MAML3: variants seen among roughly 807,000 people sequenced by gnomAD.
MAML3 encodes mastermind like transcriptional coactivator 3.
A neutral mutation model predicts 101.9 loss-of-function variants in MAML3; 27 were observed. The observed-to-expected ratio is 0.27, with a 90% CI of 0.20 to 0.37. MAML3 has a LOEUF of 0.37. MAML3 is among the 10% of genes least tolerant of loss of function. The pLI is 1.00. For missense variants in MAML3, 1,316 were observed against 1,444.9 expected (o/e 0.91, Z 1.45); for synonymous variants, 501 against 555.9 (o/e 0.90, Z 1.39).
In MAML3 at chr4:139,925,375, G is replaced by A. The variant is rs569601733; in HGVS notation, c.469-34408C>T. Among the ~76,000 whole-genome samples, 25 of 152,110 alleles carry A rather than the reference G, an allele frequency of 1.6e-4. No homozygotes were observed. The South Asian group carries it at 2.7e-3, about 16-fold the overall frequency. On this transcript the variant is annotated intron_variant, in intron 1 of 4. Coordinates refer to ENST00000509479, the MANE Select transcript of MAML3 (RefSeq NM_018717.5). Reference sequence around the variant, plus strand: ...CTCCTGAGTAGCTGAGATTACAGGCGCCCGCTACCACACCCAGCTAATTTT... The same window carrying A: ...CTCCTGAGTAGCTGAGATTACAGGCACCCGCTACCACACCCAGCTAATTTT...
At position 139,890,009 on chromosome 4, in the gene MAML3, T is replaced by C. The variant is rs1271619332; in HGVS notation, c.1427A>G (p.Gln476Arg). ...EQLKQMAAQQ[Q>R]QRAKLMQQKQ... ...CTGCTGCATGAGTTTGGCCCTTTGT[T>C]GCTGCTGTGCAGCCATCTGTTTGAG... The change falls in exon 2 of 5, where the codon CAA (glutamine) becomes CGA (arginine). Residue 476 changes from glutamine to arginine, a missense_variant. Physicochemically the swap from Gln to Arg is conservative, Grantham distance 43. Coordinates refer to ENST00000509479, the MANE Select transcript of MAML3 (RefSeq NM_018717.5). The surrounding 1 kb of genome is among the most constrained non-coding windows in gnomAD (Gnocchi z 4.1). 3 of 1,610,748 alleles carry C rather than the reference T, an allele frequency of 1.9e-6. No homozygotes were observed. In the African/African-American group the frequency reaches 4.0e-5, roughly 22 times the overall value.
At chr4:139,763,415 C>T (rs1437952120) in intron 2 of MAML3, among the ~76,000 whole-genome samples, 3 of 152,086 alleles carry the variant, frequency 2.0e-5, no homozygotes, top group South Asian at 2.1e-4. Context: ...GTTTAAGCAA[C>T]GAGAAGTACG....
At chr4:139,913,706 C>T (rs1371820622) in intron 1 of MAML3, among the ~76,000 whole-genome samples, 1 of 152,160 alleles carries the variant, frequency 6.6e-6, no homozygotes, top group Non-Finnish European at 1.5e-5. Context: ...GGTTTAGGTC[C>T]CGCATAACAT....
chr4:139,915,943 C>T (rs549891657), intron 1 of MAML3, among the ~76,000 whole-genome samples: 2 of 152,286 alleles, frequency 1.3e-5, no homozygotes, highest in Non-Finnish European at 2.9e-5. Flanking sequence ...CACTCCTCAA[C>T]GTTATCAGCA....
Position 139,719,858 on chromosome 4 carries a change from T to G in MAML3, c.2882A>C (p.Gln961Pro). 1 of 1,613,874 alleles carries G rather than the reference T, an allele frequency of 6.2e-7. No individual in the cohort carries two copies. Residue 961 changes from glutamine to proline, a missense_variant, in exon 5 of 5, where the codon CAA becomes CCA. Gln to Pro is a moderately conservative substitution (Grantham distance 76). Transcript: ENST00000509479. The part of the protein sequence containing the change: ...SLMGTVQQGA[Q>P]SWQQRSLQGM... The stretch of plus-strand genomic sequence containing the variant: ...CTGCAAGCTCCTCTGTTGCCAGCTT[T>G]GTGCTCCTTGCTGGACTGTTCCCAT...
chr4:139,880,669 T>C (rs1732200490), intron 2 of MAML3, among the ~76,000 whole-genome samples: 1 of 152,174 alleles, frequency 6.6e-6, no homozygotes, highest in Non-Finnish European at 1.5e-5. Flanking sequence ...AAATTTTGTG[T>C]TAAGAGAGCA....
chr4:139,810,645 G>A (rs980290952), intron 2 of MAML3, among the ~76,000 whole-genome samples: 3 of 152,090 alleles, frequency 2.0e-5, no homozygotes, highest in African/African-American at 7.2e-5. Context: ...TTATGTGTCA[G>A]GTATATATCT....
At chr4:139,775,840 C>G (rs903660039) in intron 2 of MAML3, among the ~76,000 whole-genome samples, 1 of 152,148 alleles carries the variant, frequency 6.6e-6, no homozygotes, top group Non-Finnish European at 1.5e-5. Context: ...CCTCAAAAGC[C>G]TTTTACCTTC....
chr4:140,108,167 G>A (rs1728382832), intron 1 of MAML3, among the ~76,000 whole-genome samples: 1 of 151,900 alleles, frequency 6.6e-6, no homozygotes, highest in African/African-American at 2.4e-5. Flanking sequence ...ACATACACAT[G>A]TGGGCCACGG....
chr4:139,819,027 G>A (rs1730933227), intron 2 of MAML3, among the ~76,000 whole-genome samples: 1 of 152,164 alleles, frequency 6.6e-6, no homozygotes, highest in Non-Finnish European at 1.5e-5. Flanking sequence ...GCACGCAAAT[G>A]AATAATGATC....
At chr4:139,774,931 T>C (rs985996594) in intron 2 of MAML3, among the ~76,000 whole-genome samples, 4 of 152,198 alleles carry the variant, frequency 2.6e-5, no homozygotes, top group African/African-American at 2.4e-5. Flanking sequence ...ATCTCTCTTT[T>C]GGTGCAATTT....
chr4:139,762,822 G>C (rs953571828), intron 2 of MAML3, among the ~76,000 whole-genome samples: 1 of 152,190 alleles, frequency 6.6e-6, no homozygotes, highest in Non-Finnish European at 1.5e-5. Flanking sequence ...ATCTGACGGG[G>C]CTTTAATCTG....
At chr4:140,125,584 C>A (rs570852536) in intron 1 of MAML3, among the ~76,000 whole-genome samples, 1 of 152,330 alleles carries the variant, frequency 6.6e-6, no homozygotes, top group East Asian at 1.9e-4. Flanking sequence ...GACCACATCA[C>A]TCCTATGTAG....
chr4:140,152,136 C>T (rs893224333), intron 1 of MAML3, among the ~76,000 whole-genome samples: 42 of 152,234 alleles, frequency 2.8e-4, no homozygotes, highest in African/African-American at 9.9e-4. Flanking sequence ...GCTCCACCTG[C>T]CGGGCTAGCC....
At chr4:139,901,048 AT>A (rs2111211780) in intron 1 of MAML3, among the ~76,000 whole-genome samples, 1 of 152,302 alleles carries the variant, frequency 6.6e-6, no homozygotes, top group African/African-American at 2.4e-5. Context: ...TTCTGTCCCA[AT>A]CAAACTGCAG....
At chr4:139,947,719 C>T (rs1434549564) in intron 1 of MAML3, among the ~76,000 whole-genome samples, 3 of 152,122 alleles carry the variant, frequency 2.0e-5, no homozygotes, top group Non-Finnish European at 2.9e-5. Flanking sequence ...CTCTATGCCT[C>T]AGTTTCGACA....
At chr4:139,975,105 A>G (rs915298060) in intron 1 of MAML3, among the ~76,000 whole-genome samples, 2 of 152,142 alleles carry the variant, frequency 1.3e-5, no homozygotes, top group African/African-American at 2.4e-5. Context: ...AGAGCCATCC[A>G]GCAGCATCCC....
rs1239994054 is a variant in MAML3, at chr4:140,154,154, ACCT to A, written c.-830_-828del. Reference sequence around the variant, plus strand: ...CTCCTCCTCCTCCTCTCGCTCCTCCACCTCCTCCTCCTCCTCCATGCCAGCGGA... The same window carrying A: ...CTCCTCCTCCTCCTCTCGCTCCTCCACCTCCTCCTCCTCCATGCCAGCGGA... On this transcript the variant is annotated 5_prime_UTR_variant, in exon 1 of 5. Transcript: ENST00000509479. 8.8e-4 allele frequency: 145 copies of A among 165,364 alleles called. No homozygotes were observed. The highest frequency in any genetic ancestry group is 2.8e-3 in the Middle Eastern group (1 of 362). The allele number at this position is 165,364 out of a possible 1,614,324, so 10.2% of individuals were successfully genotyped here.
At chr4:139,976,788 C>T (rs1363765995) in intron 1 of MAML3, among the ~76,000 whole-genome samples, 2 of 152,116 alleles carry the variant, frequency 1.3e-5, no homozygotes, top group Non-Finnish European at 2.9e-5. Flanking sequence ...AATACATACC[C>T]TAAATTAAAA....
Sources: allele counts gnomAD v4.1 joint callset (sites outside exome capture counted in the v4.1 genomes callset), GRCh38; gene constraint gnomAD v4.1.1; non-coding constraint Gnocchi (gnomAD v3.1); transcripts MANE v1.5; gene names NCBI Gene and HGNC (gene_info 2026-07-23, HGNC 2026-07-21).